Variants in GPR158 observed in about 807,000 individuals in gnomAD.
The protein encoded by GPR158 is metabotropic glycine receptor.
A neutral mutation model predicts 78.2 loss-of-function variants in GPR158; 30 were observed. The observed-to-expected ratio is 0.38, with a 90% CI of 0.29 to 0.52. GPR158 has a LOEUF of 0.52. GPR158 is among the 20% of genes least tolerant of loss of function. GPR158 has a pLI of 0.83. For synonymous variants in GPR158, 581 were observed against 591.1 expected (o/e 0.98, Z 0.25); for missense variants, 1,463 against 1,523.5 (o/e 0.96, Z 0.66).
intron 1 of GPR158, among the ~76,000 whole-genome samples, chr10:25,218,510 C>G (rs1183333982): frequency 1.3e-5 from 2 of 152,226 alleles, no homozygotes; most frequent in African/African-American, 4.8e-5. Context: ...TGTCTGGGAA[C>G]TGGACTGCTA....
intron 5 of GPR158, among the ~76,000 whole-genome samples, chr10:25,469,507 C>T (rs565174951): frequency 9.2e-5 from 14 of 152,122 alleles, no homozygotes; most frequent in South Asian, 4.1e-4. Flanking sequence ...AAGAATCGGC[C>T]GGGCCTGGTG....
At chr10:25,496,232 G>T (rs1432110389) in intron 5 of GPR158, among the ~76,000 whole-genome samples, 15 of 152,160 alleles carry the variant, frequency 9.9e-5, no homozygotes, top group Non-Finnish European at 2.2e-4. Context: ...TCAGATTAGT[G>T]AAGGTAGACA....
At chr10:25,290,788 C>A (rs576300266) in intron 2 of GPR158, among the ~76,000 whole-genome samples, 1 of 152,060 alleles carries the variant, frequency 6.6e-6, no homozygotes, top group Admixed American at 6.5e-5. Context: ...TATTTCAGTT[C>A]TTTTAGATAA....
chr10:25,488,881 T>C (rs1835767107), intron 5 of GPR158, among the ~76,000 whole-genome samples: 1 of 152,060 alleles, frequency 6.6e-6, no homozygotes, highest in African/African-American at 2.4e-5. Flanking sequence ...CCTTTGAAAG[T>C]TATTTTAAGC....
At chr10:25,222,679 G>A (rs766283253) in intron 2 of GPR158, among the ~76,000 whole-genome samples, 6 of 152,144 alleles carry the variant, frequency 3.9e-5, no homozygotes, top group Non-Finnish European at 7.3e-5. Context: ...TGTGCCAAAT[G>A]TCTAGAGCAA....
chr10:25,474,770 C>T (rs1442015537), intron 5 of GPR158, among the ~76,000 whole-genome samples: 1 of 152,096 alleles, frequency 6.6e-6, no homozygotes. Context: ...ACAAGTTATA[C>T]TTAGATGAAC....
At chr10:25,581,379 T>C (rs1263076689) in intron 7 of GPR158, among the ~76,000 whole-genome samples, 1 of 152,194 alleles carries the variant, frequency 6.6e-6, no homozygotes, top group Non-Finnish European at 1.5e-5. Flanking sequence ...TATTTTTAAT[T>C]TTCAATCAAA....
At chr10:25,347,442 G>A (rs907796011) in intron 2 of GPR158, among the ~76,000 whole-genome samples, 3 of 151,918 alleles carry the variant, frequency 2.0e-5, no homozygotes, top group Non-Finnish European at 2.9e-5. Flanking sequence ...ACCATGTAAG[G>A]CAGCGTATTC....
At chr10:25,478,672 TC>T (rs1310041536) in intron 5 of GPR158, among the ~76,000 whole-genome samples, 7 of 152,186 alleles carry the variant, frequency 4.6e-5, no homozygotes, top group African/African-American at 1.7e-4. Context: ...TACTTTAAGT[TC>T]TAGGGTACAT....
intron 6 of GPR158, among the ~76,000 whole-genome samples, chr10:25,570,416 T>C (rs1260307347): frequency 6.6e-6 from 1 of 152,208 alleles, no homozygotes; most frequent in East Asian, 1.9e-4. Context: ...TTAGAGTTCA[T>C]TGTTCTCTCT....
chr10:25,248,942 C>G (rs1045439771), intron 2 of GPR158, among the ~76,000 whole-genome samples: 1 of 150,858 alleles, frequency 6.6e-6, no homozygotes, highest in South Asian at 2.1e-4. Flanking sequence ...TCTTCCTACC[C>G]ATGAGCATGG....
intron 2 of GPR158, among the ~76,000 whole-genome samples, chr10:25,361,518 T>G (rs1855640334): frequency 1.3e-5 from 2 of 151,956 alleles, no homozygotes; most frequent in African/African-American, 4.8e-5. Flanking sequence ...TCTTACTGTT[T>G]CCCATAGTGC....
At chr10:25,382,419 G>T (rs1834167654) in intron 2 of GPR158, among the ~76,000 whole-genome samples, 1 of 88,774 alleles carries the variant, frequency 1.1e-5, no homozygotes, top group Non-Finnish European at 3.4e-5. Flanking sequence ...ATTAATAATA[G>T]AAAAGTTTCT....
intron 2 of GPR158, among the ~76,000 whole-genome samples, chr10:25,247,190 A>G (rs1406682929): frequency 3.3e-5 from 5 of 152,094 alleles, no homozygotes; most frequent in African/African-American, 1.2e-4. Flanking sequence ...ATTTTTTATG[A>G]TTTTAAAATT....
chr10:25,177,084 G>A (rs979141547), intron 1 of GPR158, among the ~76,000 whole-genome samples: 2 of 152,132 alleles, frequency 1.3e-5, no homozygotes, highest in African/African-American at 4.8e-5. Context: ...TTTATAAAAG[G>A]ACCTAGTTAT....
intron 2 of GPR158, among the ~76,000 whole-genome samples, chr10:25,295,567 C>T (rs945749365): frequency 4.7e-4 from 72 of 152,110 alleles, no homozygotes; most frequent in African/African-American, 1.7e-3. Context: ...GCGCCCGCCA[C>T]TACGCCCGGC....
intron 7 of GPR158, among the ~76,000 whole-genome samples, chr10:25,586,391 A>AT (rs71399977): frequency 0.026 from 1,835 of 70,794 alleles, 181 homozygotes; most frequent in African/African-American, 0.043. Flanking sequence ...GTATGTGTGA[A>AT]TTTTTTTTTT....
intron 5 of GPR158, among the ~76,000 whole-genome samples, chr10:25,471,204 T>C (rs551377757): frequency 5.4e-5 from 8 of 149,278 alleles, no homozygotes; most frequent in African/African-American, 2.0e-4. Flanking sequence ...TGAGAACATG[T>C]GGTGTTTGGT....
intron 2 of GPR158, among the ~76,000 whole-genome samples, chr10:25,327,243 C>T (rs1203857296): frequency 6.6e-6 from 1 of 151,856 alleles, no homozygotes; most frequent in Non-Finnish European, 1.5e-5. Flanking sequence ...ATACACAGGA[C>T]ACTTACAAAC....
Sources: allele counts gnomAD v4.1 joint callset (sites outside exome capture counted in the v4.1 genomes callset), GRCh38; gene constraint gnomAD v4.1.1; transcripts MANE v1.5; gene names NCBI Gene and HGNC (gene_info 2026-07-23, HGNC 2026-07-21).